The following ANKRD55 variants were observed in gnomAD, a reference collection of about 807,000 sequenced individuals.
ANKRD55 encodes ankyrin repeat domain 55.
In ANKRD55, 41 loss-of-function variants were observed where a neutral mutation model predicts 60.6. That is an observed-to-expected ratio of 0.68 (90% CI 0.53 to 0.88). The LOEUF (loss-of-function observed/expected upper bound fraction) is 0.88. Ranked by LOEUF, ANKRD55 falls within the 40% of genes least tolerant of loss-of-function variation. The pLI, the probability that ANKRD55 is intolerant of heterozygous loss-of-function variation, is 0.00. For missense variants in ANKRD55, 732 were observed against 767.6 expected (o/e 0.95, Z 0.55); for synonymous variants, 264 against 290.3 (o/e 0.91, Z 0.92).
intron 2 of ANKRD55, among the ~76,000 whole-genome samples, chr5:56,207,115 C>A (rs914172541): frequency 1.3e-5 from 2 of 152,210 alleles, no homozygotes; most frequent in Non-Finnish European, 2.9e-5. Flanking sequence ...CCCCTTCCCC[C>A]CTTGGAAGTT....
In ANKRD55 at chr5:56,153,449, G is replaced by A. The variant is rs572032548; in HGVS notation, c.483+6384C>T. ...ACTCTTTAGACTGGTGTTTATGATG[G>A]TGAAAAATTGAGACAACCTAAATAT... On this transcript the variant is annotated intron_variant, in intron 6 of 11. Transcript: ENST00000341048. 1.9e-4 allele frequency among the ~76,000 whole-genome samples: 29 copies of A among 152,302 alleles called. 1 individual carries two copies. In the Middle Eastern group the frequency reaches 0.014, roughly 71 times the overall value.
intron 2 of ANKRD55, among the ~76,000 whole-genome samples, chr5:56,215,136 G>A (rs928632163): frequency 6.6e-6 from 1 of 152,024 alleles, no homozygotes; most frequent in East Asian, 1.9e-4. Context: ...TACAGGGTTA[G>A]AGATTTCTGA....
chr5:56,154,781 G>A (rs1758151811), intron 6 of ANKRD55, among the ~76,000 whole-genome samples: 1 of 152,052 alleles, frequency 6.6e-6, no homozygotes, highest in Admixed American at 6.5e-5. Flanking sequence ...TAGAGACGGG[G>A]TTTGGCCATG....
At position 56,116,654 on chromosome 5, in the gene ANKRD55, C is replaced by A. The variant is rs375979822; in HGVS notation, c.926G>T (p.Gly309Val). 1.2e-6 allele frequency: 2 copies of A among 1,608,724 alleles called. No homozygotes were observed. Among genetic ancestry groups the A allele is most frequent in the Non-Finnish European group, 8.5e-7 (1 of 1,177,788 alleles). Residue 309 changes from glycine (G) to valine (V), a missense_variant, in exon 9 of 12, where the codon GGT becomes GTT. Transcript: ENST00000341048. Reference sequence around the variant, plus strand: ...GAGGAGTTTGACACACGCCGTGTGACCGCAGTACAGGGCATAGGCCAAGGG... The same window carrying A: ...GAGGAGTTTGACACACGCCGTGTGAACGCAGTACAGGGCATAGGCCAAGGG... ...STPLAYALYC[G>V]HTACVKLLSQ...
At chr5:56,166,135 TTTCTTTCTTTCTTTCTTTC>T (rs1561277771) in intron 5 of ANKRD55, among the ~76,000 whole-genome samples, 9 of 101,118 alleles carry the variant, frequency 8.9e-5, no homozygotes, top group African/African-American at 4.4e-4. Context: ...TCTTTCTTTC[TTTCTTTCTTTCTTTCTTTC>T]TTCTTTCCTT....
At chr5:56,169,546 G>A (rs969103067) in intron 5 of ANKRD55, among the ~76,000 whole-genome samples, 1 of 151,800 alleles carries the variant, frequency 6.6e-6, no homozygotes, top group Non-Finnish European at 1.5e-5. Context: ...TTGGGCTTTG[G>A]GTAAATCCTA....
chr5:56,233,188 A>T, intron 1 of ANKRD55, 53 bp downstream of exon 1: 1 of 408,888 alleles, frequency 2.4e-6, no homozygotes, highest in Non-Finnish European at 4.4e-6. Context: ...CCAAATCAAT[A>T]AACACAATTA....
chr5:56,186,118 G>A (rs1198897123), intron 2 of ANKRD55, among the ~76,000 whole-genome samples: 2 of 152,188 alleles, frequency 1.3e-5, no homozygotes, highest in Non-Finnish European at 2.9e-5. Context: ...CTGACCAGCT[G>A]TGTGGATTTG....
At chr5:56,135,712 CA>C (rs1229874232) in intron 7 of ANKRD55, among the ~76,000 whole-genome samples, 1 of 151,794 alleles carries the variant, frequency 6.6e-6, no homozygotes, top group Admixed American at 6.6e-5. Flanking sequence ...CTAGTTAATG[CA>C]ATAAGACAAG....
rs59911045 is a variant in ANKRD55 at position 56,169,428 on chromosome 5, C to CT, written c.422+1265dup. On this transcript the variant is annotated intron_variant, in intron 5 of 11. Transcript: ENST00000341048. ...GACTAAGCATTTTTGTGGGGTCATT[C>CT]TTTTTTTTTTTTTTCCTAATTCATC... Among the ~76,000 whole-genome samples, 783 of 144,138 alleles carry CT rather than the reference C, an allele frequency of 5.4e-3. 1 individual carries two copies. Among genetic ancestry groups the CT allele is most frequent in the Non-Finnish European group, 8.7e-3 (561 of 64,740 alleles). 94.6% of individuals were successfully genotyped at this position (144,138 alleles called of 152,430 possible).
chr5:56,110,069 A>T (rs1756630772), intron 10 of ANKRD55, among the ~76,000 whole-genome samples: 1 of 150,708 alleles, frequency 6.6e-6, no homozygotes, highest in African/African-American at 2.4e-5. Flanking sequence ...AAAAATCTTT[A>T]TCTATATCTA....
At position 56,170,675 on chromosome 5, in the gene ANKRD55, T is replaced by C. The variant is rs1405295801; in HGVS notation, c.422+19A>G. ...TGAGTCACTCCCAACTTGAGCATCA[T>C]GTAAACCTGGCCACTTACCTCATAT... On this transcript the variant is annotated intron_variant, in intron 5 of 11. Coordinates refer to ENST00000341048, the MANE Select transcript of ANKRD55 (RefSeq NM_024669.3). 4 of 1,607,960 alleles carry C rather than the reference T, an allele frequency of 2.5e-6. No individual in the cohort carries two copies. In the East Asian group the frequency reaches 6.7e-5, roughly 27 times the overall value.
intron 4 of ANKRD55, among the ~76,000 whole-genome samples, chr5:56,172,091 C>A (rs1197749692): frequency 6.7e-6 from 1 of 149,558 alleles, no homozygotes; most frequent in Non-Finnish European, 1.5e-5. Flanking sequence ...TGCACTCCAA[C>A]CTGGGCGACA....
chr5:56,134,763 G>C (rs1310610900), intron 7 of ANKRD55, among the ~76,000 whole-genome samples: 3 of 151,948 alleles, frequency 2.0e-5, no homozygotes, highest in Non-Finnish European at 4.4e-5. Context: ...CTATCAGTCA[G>C]TATCACCCTA....
At position 56,196,487 on chromosome 5, in the gene ANKRD55, G is replaced by T. The variant is rs575456985; in HGVS notation, c.59-12853C>A. ...AATAGTGTTAATGCTCAAAATTTGG[G>T]TGTTATTCCCATGTTATAGATAAGG... On this transcript the variant is annotated intron_variant, in intron 2 of 11. Transcript: ENST00000341048. Among the ~76,000 whole-genome samples the T allele has an allele frequency of 2.6e-5, 4 of 152,184 alleles. No homozygotes were observed. The East Asian group carries it at 7.7e-4, about 29-fold the overall frequency.
intron 2 of ANKRD55, among the ~76,000 whole-genome samples, chr5:56,216,176 A>G (rs1175800865): frequency 6.6e-6 from 1 of 152,078 alleles, no homozygotes; most frequent in Non-Finnish European, 1.5e-5. Flanking sequence ...TTATTATCAT[A>G]TCTGTTATGG....
chr5:56,159,955 C>T (rs375265508), intron 5 of ANKRD55, 62 bp from the exon 6 acceptor site: 26 of 1,470,964 alleles, frequency 1.8e-5, no homozygotes, highest in Middle Eastern at 1.7e-4. Context: ...CTCTTGGAAT[C>T]GGTATAAAAA....
intron 2 of ANKRD55, among the ~76,000 whole-genome samples, chr5:56,231,676 C>T (rs159995): frequency 0.29 from 44,215 of 150,992 alleles, 7,527 homozygotes; most frequent in East Asian, 0.84. Flanking sequence ...CACACACACA[C>T]ACACACACAC....
chr5:56,210,420 GGT>G (rs1561293848), intron 2 of ANKRD55, among the ~76,000 whole-genome samples: 5 of 151,892 alleles, frequency 3.3e-5, no homozygotes, highest in Non-Finnish European at 7.4e-5. Context: ...AAATTAGCCG[GGT>G]GCGGTGGCGG....
Sources: allele counts gnomAD v4.1 joint callset (sites outside exome capture counted in the v4.1 genomes callset), GRCh38; gene constraint gnomAD v4.1.1; transcripts MANE v1.5; gene names NCBI Gene and HGNC (gene_info 2026-07-23, HGNC 2026-07-21).